MEGF10: variants seen among roughly 807,000 people sequenced by gnomAD.
MEGF10 encodes multiple epidermal growth factor-like domains protein 10.
Under a neutral mutation model 147.5 loss-of-function variants are expected in MEGF10, and 86 were observed. The observed-to-expected ratio is 0.58, with a 90% CI of 0.49 to 0.70. The LOEUF (loss-of-function observed/expected upper bound fraction) is 0.70. Among genes scored for constraint, MEGF10 ranks in the 30% least tolerant of loss-of-function variants. The pLI, the probability that MEGF10 is intolerant of heterozygous loss-of-function variation, is 0.00. For missense variants in MEGF10, 1,329 were observed against 1,487.3 expected (o/e 0.89, Z 1.75); for synonymous variants, 478 against 525.5 (o/e 0.91, Z 1.24).
chr5:127,351,045 GA>G (rs1762069558), intron 4 of MEGF10, among the ~76,000 whole-genome samples: 1 of 151,940 alleles, frequency 6.6e-6, no homozygotes, highest in Non-Finnish European at 1.5e-5. Flanking sequence ...TTAATGGGTA[GA>G]AAAAAATAGA....
At chr5:127,308,082 A>G (rs1258318567) in intron 1 of MEGF10, among the ~76,000 whole-genome samples, 1 of 152,192 alleles carries the variant, frequency 6.6e-6, no homozygotes, top group African/African-American at 2.4e-5. Context: ...TTCTCCCTGT[A>G]GGTATTATAA....
chr5:127,295,806 G>A (rs1465600598), intron 1 of MEGF10, among the ~76,000 whole-genome samples: 2 of 152,168 alleles, frequency 1.3e-5, no homozygotes, highest in African/African-American at 4.8e-5. Context: ...TGTGTACCCA[G>A]TATCTGGTTT....
chr5:127,396,546 C>T lies in MEGF10; in HGVS notation c.427C>T (p.His143Tyr). The T allele has an allele frequency of 6.4e-7, 1 of 1,553,874 alleles. No individual in the cohort carries two copies. ...TNCSSACDGD[H>Y]WGPHCTSRCQ... ...CTCAATCTCAGCCTGCGATGGTGATCACTGGGGTCCCCACTGCACCAGCCG... is the reference window on the plus strand; with the variant it reads ...CTCAATCTCAGCCTGCGATGGTGATTACTGGGGTCCCCACTGCACCAGCCG... The change falls in exon 6 of 25, where the codon CAC (histidine) becomes TAC (tyrosine). Residue 143 changes from histidine to tyrosine, a missense_variant. Transcript: ENST00000503335.
At chr5:127,371,717 G>A (rs1369767315) in intron 5 of MEGF10, among the ~76,000 whole-genome samples, 2 of 152,158 alleles carry the variant, frequency 1.3e-5, no homozygotes, top group Non-Finnish European at 2.9e-5. Flanking sequence ...GAACTGATTA[G>A]GACCTTCTAG....
the MEGF10 span, among the ~76,000 whole-genome samples, chr5:127,269,509 T>C: frequency 2.0e-5 from 3 of 151,958 alleles, no homozygotes; most frequent in African/African-American, 7.3e-5. Flanking sequence ...ATCAAATGAA[T>C]GAAATGAAGC....
chr5:127,264,069 C>G, the MEGF10 span, among the ~76,000 whole-genome samples: 1 of 152,078 alleles, frequency 6.6e-6, no homozygotes, highest in South Asian at 2.1e-4. Context: ...CTTTCCATTA[C>G]CAGTTGTATA....
chr5:127,318,282 G>C (rs574396028), intron 1 of MEGF10, among the ~76,000 whole-genome samples: 2 of 152,054 alleles, frequency 1.3e-5, no homozygotes, highest in Non-Finnish European at 2.9e-5. Flanking sequence ...TAAGGCACCC[G>C]GTTTATGGCA....
intron 18 of MEGF10, among the ~76,000 whole-genome samples, chr5:127,441,397 A>G (rs1765752250): frequency 6.6e-6 from 1 of 152,218 alleles, no homozygotes; most frequent in African/African-American, 2.4e-5. Flanking sequence ...TAGTCTTAAC[A>G]ACCTTCCAGA....
At chr5:127,350,904 T>C (rs890211133) in intron 4 of MEGF10, among the ~76,000 whole-genome samples, 6 of 152,002 alleles carry the variant, frequency 3.9e-5, no homozygotes, top group African/African-American at 1.4e-4. Flanking sequence ...AAATGGGGTG[T>C]TCATCACCTC....
chr5:127,279,683 CT>C, the MEGF10 span, among the ~76,000 whole-genome samples: 1 of 152,246 alleles, frequency 6.6e-6, no homozygotes, highest in South Asian at 2.1e-4. Context: ...AGACAATACT[CT>C]GTGTCAAATA....
intron 13 of MEGF10, among the ~76,000 whole-genome samples, chr5:127,425,503 C>A (rs972166863): frequency 7.9e-5 from 12 of 152,120 alleles, no homozygotes; most frequent in African/African-American, 2.9e-4. Flanking sequence ...TCTAAGCCTG[C>A]TGTGAGGTCA....
At chr5:127,402,874 A>G (rs745731421) in intron 8 of MEGF10, among the ~76,000 whole-genome samples, 192 bp downstream of exon 8, 1 of 152,170 alleles carries the variant, frequency 6.6e-6, no homozygotes, top group Non-Finnish European at 1.5e-5. Context: ...ATAAATAGCA[A>G]TGGTAAATTG....
chr5:127,231,233 T>G, the MEGF10 span, among the ~76,000 whole-genome samples: 1 of 152,214 alleles, frequency 6.6e-6, no homozygotes, highest in African/African-American at 2.4e-5. Context: ...TTAAAGCACA[T>G]CAAATAAATC....
chr5:127,399,192 A>C (rs2126927587), intron 7 of MEGF10, among the ~76,000 whole-genome samples: 1 of 152,312 alleles, frequency 6.6e-6, no homozygotes, highest in South Asian at 2.1e-4. Flanking sequence ...CATTATTCTT[A>C]ACAGTGCAAG....
intron 4 of MEGF10, among the ~76,000 whole-genome samples, chr5:127,352,230 A>G (rs1762111476): frequency 6.6e-6 from 1 of 152,202 alleles, no homozygotes; most frequent in South Asian, 2.1e-4. Context: ...CATGACCACC[A>G]GTAATGTATG....
intron 12 of MEGF10, among the ~76,000 whole-genome samples, chr5:127,420,794 G>A (rs985890382): frequency 2.0e-5 from 3 of 152,036 alleles, no homozygotes; most frequent in Non-Finnish European, 4.4e-5. Context: ...AAGCTGTCAG[G>A]GAGTGCAAAC....
intron 5 of MEGF10, among the ~76,000 whole-genome samples, chr5:127,374,552 C>A (rs1431930697): frequency 6.6e-6 from 1 of 152,146 alleles, no homozygotes; most frequent in African/African-American, 2.4e-5. Flanking sequence ...TACAGCAATT[C>A]ATCTTAGAAG....
At chr5:127,247,516 G>A in the MEGF10 span, among the ~76,000 whole-genome samples, 2 of 150,984 alleles carry the variant, frequency 1.3e-5, no homozygotes, top group South Asian at 4.2e-4. Context: ...AAGTAAGACA[G>A]AAGGAATAAA....
At chr5:127,241,690 T>C in the MEGF10 span, among the ~76,000 whole-genome samples, 5 of 152,170 alleles carry the variant, frequency 3.3e-5, no homozygotes, top group African/African-American at 1.2e-4. Flanking sequence ...AATTACCTTT[T>C]TGAGCTTCTG....
Sources: allele counts gnomAD v4.1 joint callset (sites outside exome capture counted in the v4.1 genomes callset), GRCh38; gene constraint gnomAD v4.1.1; transcripts MANE v1.5; gene names NCBI Gene and HGNC (gene_info 2026-07-23, HGNC 2026-07-21).